The following WNK3 variants were observed in gnomAD, a reference collection of about 807,000 sequenced individuals.
The protein encoded by WNK3 is WNK lysine deficient protein kinase 3.
In WNK3, 18 loss-of-function variants were observed where a neutral mutation model predicts 116.7. The ratio of observed to expected loss-of-function variants is 0.15; its 90% CI spans 0.11 to 0.23. The LOEUF (loss-of-function observed/expected upper bound fraction) is 0.23. Among genes scored for constraint, WNK3 ranks in the 10% least tolerant of loss-of-function variants. WNK3 has a pLI of 1.00. For synonymous variants in WNK3, 404 were observed against 469.4 expected (o/e 0.86, Z 1.80); for missense variants, 993 against 1,323.8 (o/e 0.75, Z 3.88).
intron 20 of WNK3, 77 bp from the exon 21 acceptor site, chrX:54,233,097 T>A: frequency 1.3e-6 from 1 of 798,415 alleles, no homozygotes; most frequent in Non-Finnish European, 1.8e-6. Context: ...TAAACCAGTA[T>A]AAGTAAAGTT....
chrX:54,299,207 T>A (rs1453205733), intron 6 of WNK3, among the ~76,000 whole-genome samples: 1 of 111,650 alleles, frequency 9.0e-6, no homozygotes, highest in Admixed American at 9.6e-5. Flanking sequence ...ATGTACTGCA[T>A]AATGTCTACA....
rs1177900992 is a variant in WNK3 at position 54,258,277 on chromosome X, C to CAA, written c.2102+995_2102+996dup. On this transcript the variant is annotated intron_variant, in intron 11 of 23. Coordinates refer to ENST00000354646, the Ensembl canonical transcript of WNK3. The stretch of plus-strand genomic sequence containing the variant: ...TGGGCAATAGAGTGAGACTCCATCT[C>CAA]AAAAAAAAAAAAAAAAAAAAGAACA... Among the ~76,000 whole-genome samples, 153 of 27,961 alleles carry CAA rather than the reference C, an allele frequency of 5.5e-3. 3 individuals are homozygous for CAA. Among genetic ancestry groups the CAA allele is most frequent in the African/African-American group, 0.016 (142 of 9,087 alleles). The allele number at this position is 27,961 out of a possible 115,157, so 24.3% of individuals were successfully genotyped here.
At chrX:54,280,577 A>G (rs2068504893) in intron 10 of WNK3, among the ~76,000 whole-genome samples, 1 of 112,186 alleles carries the variant, frequency 8.9e-6, no homozygotes, top group African/African-American at 3.2e-5. Flanking sequence ...AATTGTAAGG[A>G]CTTGTGGAAT....
chrX:54,242,632 G>A (rs1557151826), intron 17 of WNK3, among the ~76,000 whole-genome samples: 1 of 112,150 alleles, frequency 8.9e-6, no homozygotes, highest in African/African-American at 3.2e-5. Flanking sequence ...CATCTATATA[G>A]TCAGCTGATT....
chrX:54,331,348 A>G (rs2069168488), intron 2 of WNK3, among the ~76,000 whole-genome samples: 1 of 110,092 alleles, frequency 9.1e-6, no homozygotes, highest in African/African-American at 3.3e-5. Flanking sequence ...TAAAGATTAT[A>G]AAATTTTATA....
chrX:54,285,281 A>G (rs1195870641), intron 10 of WNK3, among the ~76,000 whole-genome samples: 1 of 110,695 alleles, frequency 9.0e-6, no homozygotes, highest in Non-Finnish European at 1.9e-5. Context: ...AGTGGTGCGC[A>G]CCTGTGGTCC....
intron 2 of WNK3, among the ~76,000 whole-genome samples, chrX:54,317,158 CTT>C (rs782412506): frequency 8.1e-5 from 8 of 98,459 alleles, no homozygotes; most frequent in African/African-American, 7.5e-5. Context: ...ATGGATGAAT[CTT>C]TTTTTTTTTT....
intron 10 of WNK3, 39 bp downstream of exon 10, chrX:54,292,849 T>C: frequency 8.5e-7 from 1 of 1,173,347 alleles, no homozygotes; most frequent in Non-Finnish European, 1.1e-6. Context: ...AGTGTTTAAT[T>C]TGTTTAAATG....
At chrX:54,258,277 C>CAAA (rs1177900992) in intron 11 of WNK3, among the ~76,000 whole-genome samples, 2 of 28,015 alleles carry the variant, frequency 7.1e-5, no homozygotes, top group African/African-American at 1.1e-4. Flanking sequence ...GACTCCATCT[C>CAAA]AAAAAAAAAA....
chrX:54,326,325 C>T (rs906198331), intron 2 of WNK3, among the ~76,000 whole-genome samples: 2 of 111,110 alleles, frequency 1.8e-5, no homozygotes, highest in African/African-American at 3.3e-5. Flanking sequence ...CTCCTGACCT[C>T]GTGATCCGCC....
At chrX:54,299,376 T>TCAAC (rs1557167018) in intron 6 of WNK3, among the ~76,000 whole-genome samples, 6 of 110,519 alleles carry the variant, frequency 5.4e-5, no homozygotes, top group Non-Finnish European at 1.1e-4. Flanking sequence ...CCATACAAAG[T>TCAAC]TGATTTTTTT....
At chrX:54,244,664 A>C (rs1308772495) in intron 17 of WNK3, among the ~76,000 whole-genome samples, 2 of 112,202 alleles carry the variant, frequency 1.8e-5, no homozygotes, top group Non-Finnish European at 3.8e-5. Flanking sequence ...AAGGTTAAAT[A>C]TCTCCAGAGG....
chrX:54,343,889 G>A (rs2069367544), intron 1 of WNK3, among the ~76,000 whole-genome samples: 1 of 110,269 alleles, frequency 9.1e-6, no homozygotes, highest in African/African-American at 3.3e-5. Flanking sequence ...TCAAACTCCT[G>A]GGCTCAAGAG....
chrX:54,236,912 T>C (rs1247275733), intron 20 of WNK3, 26 bp downstream of exon 20: 1 of 1,161,126 alleles, frequency 8.6e-7, no homozygotes, highest in East Asian at 3.0e-5. Context: ...CAACCAGATT[T>C]GTGACAAAAG....
chrX:54,291,459 A>C (rs2068639805), intron 10 of WNK3, among the ~76,000 whole-genome samples: 1 of 112,337 alleles, frequency 8.9e-6, no homozygotes, highest in Admixed American at 9.5e-5. Flanking sequence ...ACATTTTGAT[A>C]ATTAAATTTT....
At chrX:54,356,051 A>C (rs998227840) in intron 1 of WNK3, among the ~76,000 whole-genome samples, 2 of 112,054 alleles carry the variant, frequency 1.8e-5, no homozygotes, top group Non-Finnish European at 3.8e-5. Flanking sequence ...TCAAGTTTGC[A>C]ACATTTCCAA....
At chrX:54,259,743 G>C (rs1557156323) in intron 10 of WNK3, among the ~76,000 whole-genome samples, 1 of 111,432 alleles carries the variant, frequency 9.0e-6, no homozygotes, top group African/African-American at 3.3e-5. Flanking sequence ...CTGTCTGTCT[G>C]TCTCTCATCT....
intron 10 of WNK3, among the ~76,000 whole-genome samples, chrX:54,275,063 C>T (rs1557160342): frequency 2.8e-5 from 3 of 106,180 alleles, no homozygotes; most frequent in African/African-American, 1.0e-4. Context: ...GTCTGTAATC[C>T]CAGCACTTTG....
rs368404185 is a variant in WNK3, at chrX:54,249,974, G to A, written c.2713+20C>T. The A allele has an allele frequency of 1.4e-5, 17 of 1,190,581 alleles. No individual in the cohort carries two copies. Among genetic ancestry groups the A allele is most frequent in the Non-Finnish European group, 1.6e-5 (14 of 887,809 alleles). On this transcript the variant is annotated intron_variant, in intron 16 of 23. Coordinates refer to ENST00000354646, the Ensembl canonical transcript of WNK3. ...CCATCCTTTGAGTCTGGACAAAGCT[G>A]GCAGAGAAGAAAAGCTTACTAGGAA...
Sources: allele counts gnomAD v4.1 joint callset (sites outside exome capture counted in the v4.1 genomes callset), GRCh38; gene constraint gnomAD v4.1.1; transcripts MANE v1.5; gene names NCBI Gene and HGNC (gene_info 2026-07-23, HGNC 2026-07-21).